Variants in CD226 observed in about 807,000 individuals in gnomAD.
CD226 encodes CD226 antigen.
Under a neutral mutation model 34.9 loss-of-function variants are expected in CD226, and 24 were observed. The ratio of observed to expected loss-of-function variants is 0.69; its 90% CI spans 0.50 to 0.97. The LOEUF (loss-of-function observed/expected upper bound fraction) is 0.97, where lower values mean the gene tolerates loss of function less well. CD226 is among the 50% of genes least tolerant of loss of function. The pLI, the probability that CD226 is intolerant of heterozygous loss-of-function variation, is 0.00. For synonymous variants in CD226, 148 were observed against 147.4 expected (o/e 1.00, Z -0.03); for missense variants, 397 against 412.7 (o/e 0.96, Z 0.33).
intron 3 of CD226, among the ~76,000 whole-genome samples, chr18:69,891,305 C>T (rs1195679045): frequency 1.3e-5 from 2 of 151,210 alleles, no homozygotes; most frequent in Admixed American, 1.3e-4. Flanking sequence ...AAAAAACTCT[C>T]AACAAATTAG....
chr18:69,866,072 A>G (rs1250243267), intron 5 of CD226, among the ~76,000 whole-genome samples: 1 of 152,198 alleles, frequency 6.6e-6, no homozygotes, highest in East Asian at 1.9e-4. Flanking sequence ...GTTTGCAGAC[A>G]ACTGTCTTCT....
rs115259652 is a variant in CD226 at position 69,897,967 on chromosome 18, C to T, written c.383-1922G>A. 7.7e-3 allele frequency among the ~76,000 whole-genome samples: 1,170 copies of T among 151,340 alleles called. 15 individuals carry two copies. Among genetic ancestry groups the T allele is most frequent in the African/African-American group, 0.026 (1,077 of 41,152 alleles). On this transcript the variant is annotated intron_variant, in intron 2 of 5. Coordinates refer to ENST00000582621, the MANE Select transcript of CD226 (RefSeq NM_001303618.2). ...GCACTTTACCCACATAACACACACCCGGAAAACATTTCGTCTCTAAGTAAT... is the reference window on the plus strand; with the variant it reads ...GCACTTTACCCACATAACACACACCTGGAAAACATTTCGTCTCTAAGTAAT...
At chr18:69,904,937 C>T (rs556184969) in intron 2 of CD226, among the ~76,000 whole-genome samples, 155 of 152,298 alleles carry the variant, frequency 1.0e-3, no homozygotes, top group Non-Finnish European at 1.5e-3. Context: ...TAGTGATGGT[C>T]CCTGGAGACT....
chr18:69,884,184 C>T (rs533291558), intron 3 of CD226, among the ~76,000 whole-genome samples: 1 of 150,416 alleles, frequency 6.6e-6, no homozygotes, highest in Non-Finnish European at 1.5e-5. Context: ...GATGACAGAG[C>T]AAGACCCTGT....
rs1360527521 is a variant in CD226, at chr18:69,929,281, CT to C, written c.382+17452del. Reference sequence around the variant, plus strand: ...GTGTTACAGGCCACTTGTTTGCAAACTGTGGTGTGGATCGTGAGGACACCCT... The same window carrying C: ...GTGTTACAGGCCACTTGTTTGCAAACGTGGTGTGGATCGTGAGGACACCCT... On this transcript the variant is annotated intron_variant, in intron 2 of 5. Coordinates refer to ENST00000582621, the MANE Select transcript of CD226 (RefSeq NM_001303618.2). 2.0e-5 allele frequency among the ~76,000 whole-genome samples: 3 copies of C among 152,264 alleles called. No homozygotes were observed. In the East Asian group the frequency reaches 5.8e-4, roughly 29 times the overall value.
At chr18:69,955,646 G>T (rs894713093) in intron 1 of CD226, among the ~76,000 whole-genome samples, 2 of 152,082 alleles carry the variant, frequency 1.3e-5, no homozygotes, top group African/African-American at 4.8e-5. Flanking sequence ...GGCGGATCAT[G>T]AGGTCAGGAG....
intron 2 of CD226, among the ~76,000 whole-genome samples, chr18:69,901,506 A>G (rs2055182386): frequency 1.3e-5 from 2 of 152,206 alleles, no homozygotes; most frequent in African/African-American, 4.8e-5. Flanking sequence ...GCGAAGCTAT[A>G]TACTGGTCAC....
At chr18:69,901,619 A>G (rs942434080) in intron 2 of CD226, among the ~76,000 whole-genome samples, 14 of 136,540 alleles carry the variant, frequency 1.0e-4, no homozygotes, top group South Asian at 7.6e-4. Context: ...AGTGGCTCAC[A>G]CCTGTAATCC....
Position 69,901,748 on chromosome 18 carries a change from A to G in CD226, c.383-5703T>C, listed in dbSNP as rs576293476. Among the ~76,000 whole-genome samples the G allele has an allele frequency of 4.2e-3, 642 of 152,008 alleles. 6 individuals are homozygous for G. The highest frequency in any genetic ancestry group is 0.029 in the South Asian group (137 of 4,806). On this transcript the variant is annotated intron_variant, in intron 2 of 5. Transcript: ENST00000582621. ...CAAAAAATTAGCCGGGCGTGGTGGCAGGTGCCTGTAGTCCCAGCTACTCAG... is the reference window on the plus strand; with the variant it reads ...CAAAAAATTAGCCGGGCGTGGTGGCGGGTGCCTGTAGTCCCAGCTACTCAG...
chr18:69,875,607 C>T (rs1387349500), intron 3 of CD226, among the ~76,000 whole-genome samples: 1 of 152,160 alleles, frequency 6.6e-6, no homozygotes, highest in South Asian at 2.1e-4. Flanking sequence ...TGAGAGCTCA[C>T]TGGGGTTTTG....
intron 2 of CD226, among the ~76,000 whole-genome samples, chr18:69,903,874 T>C (rs1049939117): frequency 3.3e-5 from 5 of 152,166 alleles, no homozygotes; most frequent in African/African-American, 1.2e-4. Flanking sequence ...TTTGGTATCA[T>C]GTGCCAGCAG....
chr18:69,959,156 T>C (rs1599041532), upstream of CD226, among the ~76,000 whole-genome samples: 1 of 152,162 alleles, frequency 6.6e-6, no homozygotes, highest in African/African-American at 2.4e-5. Context: ...AAATATCACA[T>C]GATCGATAAT....
At chr18:69,876,354 C>T (rs1034816138) in intron 3 of CD226, among the ~76,000 whole-genome samples, 7 of 152,124 alleles carry the variant, frequency 4.6e-5, no homozygotes, top group Admixed American at 6.6e-5. Context: ...AACAGTATAA[C>T]CTGCTTGAAA....
intron 2 of CD226, among the ~76,000 whole-genome samples, chr18:69,929,002 C>T (rs753041485): frequency 2.0e-5 from 3 of 152,128 alleles, no homozygotes; most frequent in Non-Finnish European, 4.4e-5. Context: ...AGATTAACCA[C>T]GTAGGTGAGG....
chr18:69,920,990 T>C (rs2055444231), intron 2 of CD226, among the ~76,000 whole-genome samples: 1 of 152,174 alleles, frequency 6.6e-6, no homozygotes, highest in Non-Finnish European at 1.5e-5. Context: ...TTTGTCTTTT[T>C]CCCATCTGCA....
intron 4 of CD226, among the ~76,000 whole-genome samples, chr18:69,871,328 T>C (rs1306151226): frequency 6.6e-6 from 1 of 152,204 alleles, no homozygotes; most frequent in Non-Finnish European, 1.5e-5. Flanking sequence ...TTAAGGGCAG[T>C]CCGTGATGGG....
intron 4 of CD226, among the ~76,000 whole-genome samples, chr18:69,870,500 C>G (rs998321805): frequency 6.6e-6 from 1 of 151,958 alleles, no homozygotes; most frequent in African/African-American, 2.4e-5. Context: ...GTCTCGAACT[C>G]CTGACCTCAA....
upstream of CD226, among the ~76,000 whole-genome samples, chr18:69,948,928 T>G (rs533739628): frequency 2.2e-4 from 34 of 152,300 alleles, 1 homozygote; most frequent in Middle Eastern, 3.4e-3. Flanking sequence ...TCTATACAAG[T>G]CATTTGCTAA....
chr18:69,881,910 A>G (rs373888141), intron 3 of CD226, among the ~76,000 whole-genome samples: 40 of 152,322 alleles, frequency 2.6e-4, no homozygotes, highest in African/African-American at 7.0e-4. Context: ...CAAGTTTTCA[A>G]AGGTCAACTT....
Sources: allele counts gnomAD v4.1 joint callset (sites outside exome capture counted in the v4.1 genomes callset), GRCh38; gene constraint gnomAD v4.1.1; transcripts MANE v1.5; gene names NCBI Gene and HGNC (gene_info 2026-07-23, HGNC 2026-07-21).